Variants in ADAM29 observed in about 807,000 individuals in gnomAD.
ADAM29 encodes disintegrin and metalloproteinase domain-containing protein 29.
For missense variants in ADAM29, 969 were observed against 1,001.8 expected, an observed-to-expected ratio of 0.97 and a Z score of 0.44; for synonymous variants, 367 against 342.3, an observed-to-expected ratio of 1.07 and a Z score of -0.80.
At chr4:174,936,656 C>T (rs562670903) in intron 3 of ADAM29, among the ~76,000 whole-genome samples, 9 of 151,984 alleles carry the variant, frequency 5.9e-5, no homozygotes, top group East Asian at 3.9e-4. Flanking sequence ...GCCTCCTAAA[C>T]GGTACTATTT....
chr4:174,939,240 A>G (rs1412479958), intron 4 of ADAM29, among the ~76,000 whole-genome samples: 2 of 152,166 alleles, frequency 1.3e-5, no homozygotes, highest in East Asian at 3.9e-4. Context: ...TTTTGATCAT[A>G]GTACTCATAA....
Position 174,976,554 on chromosome 4 carries a change from T to G in ADAM29, c.1029T>G (p.Asp343Glu). The change falls in exon 5 of 5, where the codon GAT (aspartate) becomes GAG (glutamate). Residue 343 changes from aspartate (D) to glutamate (E), a missense_variant. By Grantham distance (45) the Asp-to-Glu change is conservative. Coordinates refer to ENST00000359240, the MANE Select transcript of ADAM29 (RefSeq NM_014269.4). ...HLGHNLGMNHDEDTCRCSQPR... is the reference protein window; with the variant it reads ...HLGHNLGMNHEEDTCRCSQPR... ...GTCATAATTTGGGCATGAACCATGATGAGGATACATGTCGTTGTTCACAAC... is the reference window on the plus strand; with the variant it reads ...GTCATAATTTGGGCATGAACCATGAGGAGGATACATGTCGTTGTTCACAAC... 6.3e-7 allele frequency: 1 copy of G among 1,599,488 alleles called. No individual in the cohort carries two copies. The highest frequency in any genetic ancestry group is 8.5e-7 in the Non-Finnish European group (1 of 1,173,100).
At chr4:174,925,101 T>C (rs1046760612) in intron 2 of ADAM29, among the ~76,000 whole-genome samples, 1 of 152,094 alleles carries the variant, frequency 6.6e-6, no homozygotes, top group Non-Finnish European at 1.5e-5. Context: ...ATTGTCAAAG[T>C]CATTAAAAAC....
At position 174,931,113 on chromosome 4, in the gene ADAM29, T is replaced by C. The variant is rs372776572; in HGVS notation, c.-323T>C. The C allele has an allele frequency of 6.6e-6, 1 of 152,200 alleles. No individual in the cohort carries two copies. The highest frequency in any genetic ancestry group is 2.4e-5 in the African/African-American group (1 of 41,460). 9.4% of individuals were successfully genotyped at this position (152,200 alleles called of 1,614,324 possible). ...ACCATCAGCAAGAAAACAAATTTGA[T>C]TGAGCCCCCATCCAGTCCTCTTTGC... is the stretch of plus-strand genomic sequence containing the variant. On this transcript the variant is annotated 5_prime_UTR_variant, in exon 3 of 5. Coordinates refer to ENST00000359240, the MANE Select transcript of ADAM29 (RefSeq NM_014269.4).
chr4:174,953,816 TCTC>T, intron 4 of ADAM29, among the ~76,000 whole-genome samples: 1 of 152,252 alleles, frequency 6.6e-6, no homozygotes, highest in Non-Finnish European at 1.5e-5. Context: ...TTCAAGCTAT[TCTC>T]CTCCCTCAGC....
intron 2 of ADAM29, among the ~76,000 whole-genome samples, chr4:174,924,770 A>C (rs1205097407): frequency 6.6e-6 from 1 of 152,230 alleles, no homozygotes; most frequent in Non-Finnish European, 1.5e-5. Flanking sequence ...TAAAAAGACC[A>C]TTAAAAGACT....
intron 4 of ADAM29, among the ~76,000 whole-genome samples, chr4:174,956,615 A>C (rs1263044956): frequency 6.6e-6 from 1 of 151,754 alleles, no homozygotes; most frequent in Non-Finnish European, 1.5e-5. Context: ...TTTGCATATA[A>C]TCATTGTGGT....
rs139115692 is a variant in ADAM29 at position 174,926,541 on chromosome 4, A to G, written c.-450-4445A>G. ...GTTAAAAACAAGCTGACCGGGGAGG[A>G]TTGCTTGAGGCTAGGAGTTCGAGAC... On this transcript the variant is annotated intron_variant, in intron 2 of 4. Transcript: ENST00000359240. 5.3e-5 allele frequency among the ~76,000 whole-genome samples: 8 copies of G among 152,102 alleles called. No homozygotes were observed. In the East Asian group the frequency reaches 1.5e-3, roughly 29 times the overall value.
chr4:174,960,185 C>T (rs1745728042), intron 4 of ADAM29, among the ~76,000 whole-genome samples: 1 of 151,888 alleles, frequency 6.6e-6, no homozygotes, highest in African/African-American at 2.4e-5. Flanking sequence ...ATTTTTTGCT[C>T]ACTTAGTGTT....
chr4:174,944,640 A>C (rs1220355163), intron 4 of ADAM29, among the ~76,000 whole-genome samples: 1 of 152,184 alleles, frequency 6.6e-6, no homozygotes, highest in Non-Finnish European at 1.5e-5. Context: ...GGTAGTACGC[A>C]TAGTACCTTA....
intron 4 of ADAM29, among the ~76,000 whole-genome samples, chr4:174,968,084 G>C (rs1301862737): frequency 2.0e-5 from 3 of 151,908 alleles, no homozygotes; most frequent in Admixed American, 1.3e-4. Context: ...TTCTTTCTAA[G>C]TACATTGCAG....
rs1230059512 is a variant in ADAM29 at position 174,976,653 on chromosome 4, A to C, written c.1128A>C (p.Glu376Asp). 3 of 1,613,714 alleles carry C rather than the reference A, an allele frequency of 1.9e-6. No individual in the cohort carries two copies. Among genetic ancestry groups the C allele is most frequent in the Non-Finnish European group, 1.7e-6 (2 of 1,179,830 alleles). Residue 376 changes from glutamate (E) to aspartate (D), a missense_variant, in exon 5 of 5, where the codon GAA becomes GAC. Glu to Asp is a conservative substitution (Grantham distance 45, BLOSUM62 2). Coordinates refer to ENST00000359240, the MANE Select transcript of ADAM29 (RefSeq NM_014269.4). Reference protein sequence around the residue: ...FSNCSYGDFWEYTVERTKCLL... With the variant: ...FSNCSYGDFWDYTVERTKCLL... ...ATTGTAGTTATGGTGATTTTTGGGAATATACTGTAGAGAGGACAAAGTGTT... is the reference window on the plus strand; with the variant it reads ...ATTGTAGTTATGGTGATTTTTGGGACTATACTGTAGAGAGGACAAAGTGTT...
At chr4:174,957,298 T>C (rs1254297092) in intron 4 of ADAM29, among the ~76,000 whole-genome samples, 1 of 151,880 alleles carries the variant, frequency 6.6e-6, no homozygotes, top group East Asian at 1.9e-4. Context: ...ATGCTAAGGA[T>C]TATATTATTG....
At chr4:174,923,056 AATT>A (rs997113279) in intron 2 of ADAM29, among the ~76,000 whole-genome samples, 3 of 150,134 alleles carry the variant, frequency 2.0e-5, no homozygotes, top group Non-Finnish European at 2.9e-5. Context: ...AGCATTAATT[AATT>A]ATTATTATTT....
intron 4 of ADAM29, among the ~76,000 whole-genome samples, chr4:174,948,052 C>T (rs1156869504): frequency 1.3e-5 from 2 of 152,184 alleles, no homozygotes; most frequent in East Asian, 3.9e-4. Flanking sequence ...ATGGACATTT[C>T]ATCTTTTACC....
rs1018362512 is a variant in ADAM29 at position 174,923,078 on chromosome 4, T to C, written c.-451+2286T>C. Among the ~76,000 whole-genome samples the C allele has an allele frequency of 1.3e-5, 2 of 152,126 alleles. 1 individual carries two copies. Among genetic ancestry groups the C allele is most frequent in the South Asian group, 4.1e-4 (2 of 4,822 alleles). ...ATTAATTATTATTATTTTTTTGAGATGCAGTCTCACTCTGTTGCCTAGGCT... is the reference window on the plus strand; with the variant it reads ...ATTAATTATTATTATTTTTTTGAGACGCAGTCTCACTCTGTTGCCTAGGCT... On this transcript the variant is annotated intron_variant, in intron 2 of 4. Transcript: ENST00000359240.
At chr4:174,961,851 A>G (rs958074899) in intron 4 of ADAM29, among the ~76,000 whole-genome samples, 32 of 152,300 alleles carry the variant, frequency 2.1e-4, no homozygotes, top group African/African-American at 6.7e-4. Context: ...TACCAACTCC[A>G]TAAAGATTTC....
intron 4 of ADAM29, among the ~76,000 whole-genome samples, chr4:174,939,752 CA>C (rs1744421528): frequency 1.3e-5 from 2 of 152,052 alleles, no homozygotes; most frequent in Admixed American, 1.3e-4. Context: ...ATGGATTATC[CA>C]AATAAAAGAC....
chr4:174,972,377 C>G (rs1189759423), intron 4 of ADAM29, among the ~76,000 whole-genome samples: 1 of 152,204 alleles, frequency 6.6e-6, no homozygotes, highest in African/African-American at 2.4e-5. Context: ...TAATAACTCT[C>G]TCTCTCCATG....
Sources: allele counts gnomAD v4.1 joint callset (sites outside exome capture counted in the v4.1 genomes callset), GRCh38; gene constraint gnomAD v4.1.1; transcripts MANE v1.5; gene names NCBI Gene and HGNC (gene_info 2026-07-23, HGNC 2026-07-21).